The following TENM2 variants were observed in gnomAD, a reference collection of about 807,000 sequenced individuals.
TENM2 encodes the protein teneurin transmembrane protein 2, also known as teneurin-2.
A neutral mutation model predicts 245.2 loss-of-function variants in TENM2; 52 were observed. The observed-to-expected ratio is 0.21, with a 90% CI of 0.17 to 0.27. The LOEUF (loss-of-function observed/expected upper bound fraction) is 0.27. Among genes scored for constraint, TENM2 ranks in the 10% least tolerant of loss-of-function variants. TENM2 has a pLI of 1.00. For synonymous variants in TENM2, 1,363 were observed against 1,438.9 expected, an observed-to-expected ratio of 0.95 and a Z score of 1.19; for missense variants, 3,046 against 3,666.8, an observed-to-expected ratio of 0.83 and a Z score of 4.37.
chr5:167,691,979 G>A (rs1026921728), intron 2 of TENM2, among the ~76,000 whole-genome samples: 1 of 152,148 alleles, frequency 6.6e-6, no homozygotes, highest in African/African-American at 2.4e-5. Context: ...AGCACCATTT[G>A]CGGGAGAGGA....
intron 2 of TENM2, among the ~76,000 whole-genome samples, chr5:167,744,137 C>T (rs1761395695): frequency 6.6e-6 from 1 of 152,166 alleles, no homozygotes; most frequent in East Asian, 1.9e-4. Context: ...ATCATGCTAA[C>T]AACAAATTCA....
chr5:168,247,268 C>T lies in TENM2; in HGVS notation c.6329C>T (p.Thr2110Ile). 1 of 1,613,996 alleles carries T rather than the reference C, an allele frequency of 6.2e-7. No homozygotes were observed. Among genetic ancestry groups the T allele is most frequent in the Non-Finnish European group, 8.5e-7 (1 of 1,179,908 alleles). Residue 2110 changes from threonine (T) to isoleucine (I), a missense_variant, in exon 27 of 29, where the codon ACT becomes ATT. Transcript: ENST00000518659. This position sits in a 1 kb window ranked among gnomAD's most constrained non-coding sequence, Gnocchi z 7.8. ...AGCATCAAGCCCGTCATAAGTGAGA[C>T]TCCCCTCCCCGTTGACCTCTACCGC...
chr5:168,115,299 A>G (rs894232118), intron 9 of TENM2, among the ~76,000 whole-genome samples: 2 of 141,552 alleles, frequency 1.4e-5, no homozygotes, highest in East Asian at 2.6e-4. Context: ...TCTCAAAAAA[A>G]GAAAGAAGGA....
chr5:167,087,796 T>C, the TENM2 span, among the ~76,000 whole-genome samples: 5 of 151,418 alleles, frequency 3.3e-5, no homozygotes, highest in African/African-American at 1.2e-4. Context: ...TATCTCTCTT[T>C]TTTTTTTTTT....
the TENM2 span, among the ~76,000 whole-genome samples, chr5:167,023,646 A>T: frequency 9.2e-5 from 14 of 152,316 alleles, no homozygotes; most frequent in Admixed American, 9.2e-4. Flanking sequence ...TCAGTCAATG[A>T]ATTAAAATAA....
At chr5:167,723,553 C>G (rs968814866) in intron 2 of TENM2, among the ~76,000 whole-genome samples, 1 of 152,218 alleles carries the variant, frequency 6.6e-6, no homozygotes, top group Admixed American at 6.5e-5. Context: ...AGCAGGAAGG[C>G]TGTCCACCAT....
the TENM2 span, among the ~76,000 whole-genome samples, chr5:167,196,249 C>T: frequency 6.6e-6 from 1 of 151,854 alleles, no homozygotes; most frequent in African/African-American, 2.4e-5. Context: ...AACGTATAAA[C>T]ATAGGCAAAG....
At chr5:167,244,220 C>A in the TENM2 span, among the ~76,000 whole-genome samples, 2 of 152,256 alleles carry the variant, frequency 1.3e-5, no homozygotes, top group South Asian at 4.1e-4. Flanking sequence ...AAAGATATTT[C>A]TCTTTTTACA....
intron 4 of TENM2, among the ~76,000 whole-genome samples, chr5:167,966,589 G>A (rs1160218628): frequency 6.6e-6 from 1 of 152,176 alleles, no homozygotes; most frequent in Non-Finnish European, 1.5e-5. Flanking sequence ...CGAGATTCAA[G>A]ACCTTCAGTA....
At chr5:167,466,042 T>A (rs576323987) in intron 2 of TENM2, among the ~76,000 whole-genome samples, 47 of 152,216 alleles carry the variant, frequency 3.1e-4, no homozygotes, top group African/African-American at 1.1e-3. Flanking sequence ...TGACTTCAGG[T>A]TTAGACTTCC....
Position 168,247,775 on chromosome 5 carries a change from A to T in TENM2, c.6836A>T (p.Glu2279Val). ...TGCCAGAGAGGGTCTGACATCTTCG[A>T]ATACAATTCCAAGGGCCTCCTAACA... Residue 2279 changes from glutamate to valine, a missense_variant, in exon 27 of 29, where the codon GAA becomes GTA. By Grantham distance (121) the Glu-to-Val change is moderately radical. Transcript: ENST00000518659. The surrounding 1 kb of genome is among the most constrained non-coding windows in gnomAD (Gnocchi z 7.8). 6.2e-7 allele frequency: 1 copy of T among 1,613,964 alleles called. No individual in the cohort carries two copies. The highest frequency in any genetic ancestry group is 8.5e-7 in the Non-Finnish European group (1 of 1,179,890).
the TENM2 span, among the ~76,000 whole-genome samples, chr5:167,276,352 TTGTGTGTGTGTG>T: frequency 2.0e-4 from 7 of 34,194 alleles, no homozygotes; most frequent in Admixed American, 1.9e-3. Context: ...CCTGTTCATT[TTGTGTGTGTGTG>T]TGTGTGTGTG....
chr5:167,843,309 G>A (rs1050114738), intron 2 of TENM2, among the ~76,000 whole-genome samples: 1 of 152,090 alleles, frequency 6.6e-6, no homozygotes, highest in Non-Finnish European at 1.5e-5. Context: ...TTGTTTGCTT[G>A]TGTGTTTGTT....
Position 167,921,211 on chromosome 5 carries a change from G to A in TENM2, c.713-31377G>A, listed in dbSNP as rs138530560. ...TCCAGTAAGCAGAGAGAGAAGTTGT[G>A]TGATAAATTATGGAACAGACATTGA... is the stretch of plus-strand genomic sequence containing the variant. On this transcript the variant is annotated intron_variant, in intron 3 of 28. Coordinates refer to ENST00000518659, the Ensembl canonical transcript of TENM2. 4.0e-4 allele frequency among the ~76,000 whole-genome samples: 61 copies of A among 152,278 alleles called. 1 individual carries two copies. Among genetic ancestry groups the A allele is most frequent in the African/African-American group, 1.4e-3 (59 of 41,558 alleles).
intron 2 of TENM2, among the ~76,000 whole-genome samples, chr5:167,694,128 G>A (rs1022946283): frequency 1.1e-4 from 17 of 152,142 alleles, no homozygotes; most frequent in African/African-American, 4.1e-4. Context: ...TCTTGCTTGA[G>A]TTCCTCTATT....
At chr5:168,197,463 G>A (rs2152524290) in intron 15 of TENM2, among the ~76,000 whole-genome samples, 1 of 152,312 alleles carries the variant, frequency 6.6e-6, no homozygotes, top group East Asian at 1.9e-4. Context: ...CACCTTGGGA[G>A]GCAGAGGCAG....
At chr5:167,808,540 G>A (rs935608531) in intron 2 of TENM2, among the ~76,000 whole-genome samples, 10 of 152,174 alleles carry the variant, frequency 6.6e-5, no homozygotes, top group Admixed American at 1.3e-4. Context: ...AATTACAGGC[G>A]TAAGCCACCT....
intron 13 of TENM2, among the ~76,000 whole-genome samples, chr5:168,182,046 G>A (rs1383456052): frequency 1.3e-5 from 2 of 152,138 alleles, no homozygotes; most frequent in Non-Finnish European, 2.9e-5. Flanking sequence ...CCTGAGGAGC[G>A]ACGGTTCATC....
chr5:167,044,049 G>GAAGA, the TENM2 span, among the ~76,000 whole-genome samples: 1 of 150,878 alleles, frequency 6.6e-6, no homozygotes. Flanking sequence ...AGGAAGGAAG[G>GAAGA]AAGGAAGGAA....
Sources: gnomAD v4.1 joint callset for allele counts (sites outside exome capture counted in the v4.1 genomes callset) on GRCh38, gnomAD v4.1.1 for gene constraint, Gnocchi (gnomAD v3.1) non-coding constraint, MANE v1.5 for transcripts, NCBI Gene and HGNC (gene_info 2026-07-23, HGNC 2026-07-21) for gene names.